CFAP299: variants seen among roughly 807,000 people sequenced by gnomAD.
CFAP299 encodes the protein cilia- and flagella-associated protein 299.
CFAP299 carries 21 observed loss-of-function variants against 27.0 expected under a neutral mutation model. The observed-to-expected ratio is 0.78, with a 90% CI of 0.55 to 1.12. The LOEUF is 1.12. Ranked by LOEUF, CFAP299 falls within the 50% of genes most tolerant of loss-of-function variation. The pLI, the probability that CFAP299 is intolerant of heterozygous loss-of-function variation, is 0.00. For synonymous variants in CFAP299, 104 were observed against 98.1 expected (o/e 1.06, Z -0.36); for missense variants, 310 against 276.6 (o/e 1.12, Z -0.86).
intron 3 of CFAP299, among the ~76,000 whole-genome samples, chr4:80,766,959 T>G (rs1725901867): frequency 1.3e-5 from 2 of 152,166 alleles, no homozygotes; most frequent in South Asian, 4.1e-4. Flanking sequence ...TGAATTATGT[T>G]TCATTTCTCT....
At chr4:80,884,642 T>C (rs1733881443) in intron 4 of CFAP299, among the ~76,000 whole-genome samples, 1 of 81,586 alleles carries the variant, frequency 1.2e-5, no homozygotes, top group Admixed American at 1.6e-4. Flanking sequence ...TAATAAATTA[T>C]ATAGCGAATA....
intron 3 of CFAP299, among the ~76,000 whole-genome samples, chr4:80,613,773 C>G (rs952250217): frequency 2.6e-5 from 4 of 152,142 alleles, no homozygotes; most frequent in African/African-American, 9.7e-5. Flanking sequence ...TTTCCCTGTG[C>G]ACTTTAAGAT....
intron 2 of CFAP299, among the ~76,000 whole-genome samples, chr4:80,466,574 A>G (rs967326132): frequency 4.6e-5 from 7 of 152,222 alleles, no homozygotes; most frequent in Admixed American, 1.3e-4. Context: ...TACCAGCACT[A>G]AAACGATGGT....
At chr4:80,552,018 G>A (rs1247239761) in intron 2 of CFAP299, among the ~76,000 whole-genome samples, 2 of 152,086 alleles carry the variant, frequency 1.3e-5, no homozygotes, top group Non-Finnish European at 2.9e-5. Context: ...CAAAGTGCTG[G>A]GATTACAGGC....
chr4:80,548,189 G>GT (rs1355283067), intron 2 of CFAP299, among the ~76,000 whole-genome samples: 3 of 152,148 alleles, frequency 2.0e-5, no homozygotes, highest in Non-Finnish European at 2.9e-5. Context: ...GGAATACTTA[G>GT]CAGCCGTGAA....
chr4:80,576,100 G>T (rs1365663399), intron 2 of CFAP299, among the ~76,000 whole-genome samples: 2 of 151,244 alleles, frequency 1.3e-5, no homozygotes, highest in South Asian at 2.1e-4. Context: ...CGAGTTAATG[G>T]GTGCAGCACA....
intron 3 of CFAP299, among the ~76,000 whole-genome samples, chr4:80,707,110 T>A (rs1201697458): frequency 1.3e-5 from 2 of 151,946 alleles, no homozygotes; most frequent in African/African-American, 4.8e-5. Context: ...ATGTTTAATC[T>A]TCTATAGTAA....
chr4:80,708,512 T>C (rs1194789334), intron 3 of CFAP299, among the ~76,000 whole-genome samples: 2 of 152,148 alleles, frequency 1.3e-5, no homozygotes, highest in Non-Finnish European at 2.9e-5. Context: ...ACAAATTCAA[T>C]TGGAAAAGGC....
intron 3 of CFAP299, among the ~76,000 whole-genome samples, chr4:80,673,381 G>T (rs989406015): frequency 3.9e-5 from 6 of 152,262 alleles, no homozygotes; most frequent in Non-Finnish European, 7.4e-5. Flanking sequence ...GAGACAGTTT[G>T]TTATAATTTC....
chr4:80,675,138 G>T (rs559261806), intron 3 of CFAP299, among the ~76,000 whole-genome samples: 37 of 152,286 alleles, frequency 2.4e-4, no homozygotes, highest in African/African-American at 8.9e-4. Context: ...TTTCTCCTCT[G>T]ATTTCTCCCC....
At chr4:80,936,892 G>C (rs1270216866) in intron 4 of CFAP299, among the ~76,000 whole-genome samples, 2 of 152,062 alleles carry the variant, frequency 1.3e-5, no homozygotes, top group Non-Finnish European at 1.5e-5. Flanking sequence ...ATGTGTCCTT[G>C]AGATGAATGT....
chr4:80,585,494 A>T (rs2109876130), intron 3 of CFAP299, among the ~76,000 whole-genome samples: 1 of 152,232 alleles, frequency 6.6e-6, no homozygotes, highest in East Asian at 1.9e-4. Context: ...TTGGTCACCA[A>T]CCCTGGTCAA....
At chr4:80,898,469 A>G (rs765958495) in intron 4 of CFAP299, among the ~76,000 whole-genome samples, 5 of 151,348 alleles carry the variant, frequency 3.3e-5, no homozygotes, top group Non-Finnish European at 5.9e-5. Context: ...TGGGCACTGG[A>G]TGTGGGGGGT....
intron 2 of CFAP299, among the ~76,000 whole-genome samples, chr4:80,504,966 C>T (rs1731946331): frequency 6.8e-6 from 1 of 147,216 alleles, no homozygotes; most frequent in African/African-American, 2.5e-5. Flanking sequence ...TGTTCATCCC[C>T]CATTTTATAT....
intron 2 of CFAP299, among the ~76,000 whole-genome samples, chr4:80,476,662 A>G (rs1730287365): frequency 6.6e-6 from 1 of 151,928 alleles, no homozygotes; most frequent in Non-Finnish European, 1.5e-5. Flanking sequence ...GATTAATCTC[A>G]TTGTGTTCTT....
intron 3 of CFAP299, among the ~76,000 whole-genome samples, chr4:80,852,122 G>A (rs987232694): frequency 3.3e-5 from 5 of 152,022 alleles, no homozygotes; most frequent in South Asian, 2.1e-4. Flanking sequence ...CCTCCTTCCC[G>A]CCTTCTCTTC....
rs141721965 is a variant in CFAP299, at chr4:80,400,185, C to T, written c.242+37301C>T. 2.4e-3 allele frequency among the ~76,000 whole-genome samples: 368 copies of T among 152,106 alleles called. 2 individuals carry two copies. The highest frequency in any genetic ancestry group is 8.1e-3 in the African/African-American group (335 of 41,494). The stretch of plus-strand genomic sequence containing the variant: ...TGAATAATTTGACAGTCAACTGATC[C>T]GAGTGTATTTTGTATATGATATAAT... On this transcript the variant is annotated intron_variant, in intron 2 of 5. Coordinates refer to ENST00000358105, the MANE Select transcript of CFAP299 (RefSeq NM_152770.3).
chr4:80,889,707 T>C (rs925362183), intron 4 of CFAP299, among the ~76,000 whole-genome samples: 6 of 152,064 alleles, frequency 3.9e-5, no homozygotes, highest in African/African-American at 1.4e-4. Flanking sequence ...CTGATGAATA[T>C]AAATACAAAA....
upstream of CFAP299, among the ~76,000 whole-genome samples, chr4:80,332,733 T>C (rs529205083): frequency 3.5e-4 from 54 of 152,130 alleles, no homozygotes; most frequent in African/African-American, 1.3e-3. Flanking sequence ...TAACATAGAT[T>C]GTAGGGCAAT....
Sources: allele counts gnomAD v4.1 joint callset (sites outside exome capture counted in the v4.1 genomes callset), GRCh38; gene constraint gnomAD v4.1.1; transcripts MANE v1.5; gene names NCBI Gene and HGNC (gene_info 2026-07-23, HGNC 2026-07-21).